Variants in PTPRT observed in about 807,000 individuals in gnomAD.
PTPRT encodes the protein receptor-type tyrosine-protein phosphatase T.
Under a neutral mutation model 176.8 loss-of-function variants are expected in PTPRT, and 56 were observed. The ratio of observed to expected loss-of-function variants is 0.32; its 90% confidence interval spans 0.26 to 0.40. The LOEUF (loss-of-function observed/expected upper bound fraction) is 0.40. Ranked by LOEUF, PTPRT falls within the 10% of genes least tolerant of loss-of-function variation. The pLI, the probability that PTPRT is intolerant of heterozygous loss-of-function variation, is 1.00. For missense variants in PTPRT, 1,540 were observed against 1,908.2 expected (o/e 0.81, Z 3.60); for synonymous variants, 783 against 739.0 (o/e 1.06, Z -0.96).
intron 13 of PTPRT, chr20:42,270,303 A>T (rs2056910342): frequency 8.2e-7 from 1 of 1,215,822 alleles, no homozygotes; most frequent in Non-Finnish European, 1.2e-6. Context: ...TGGGGTGGAA[A>T]GACTGCTGAT....
chr20:42,366,551 C>T (rs1208475174), intron 9 of PTPRT, among the ~76,000 whole-genome samples: 1 of 152,188 alleles, frequency 6.6e-6, no homozygotes, highest in African/African-American at 2.4e-5. Context: ...TCTTCTGTCC[C>T]GTTCTTCTTC....
intron 22 of PTPRT, among the ~76,000 whole-genome samples, chr20:42,111,580 A>G (rs1986998827): frequency 7.0e-6 from 1 of 142,790 alleles, no homozygotes; most frequent in Non-Finnish European, 1.6e-5. Context: ...TAATAGTGAA[A>G]ATAATAACTA....
At chr20:42,248,848 A>G (rs1458785152) in intron 13 of PTPRT, 26 bp from the exon 14 acceptor site, 19 of 1,610,862 alleles carry the variant, frequency 1.2e-5, no homozygotes, top group Non-Finnish European at 1.5e-5. Context: ...GAAGGATAGC[A>G]ATGTTGAAAG....
chr20:42,824,406 G>A (rs2077956157), intron 2 of PTPRT, among the ~76,000 whole-genome samples: 1 of 151,808 alleles, frequency 6.6e-6, no homozygotes, highest in Admixed American at 6.6e-5. Context: ...AAAGAGTGTT[G>A]TACTGACATA....
At chr20:42,509,031 A>C (rs1249562846) in intron 7 of PTPRT, among the ~76,000 whole-genome samples, 1 of 57,536 alleles carries the variant, frequency 1.7e-5, no homozygotes, top group African/African-American at 8.5e-5. Context: ...TAATTTATAG[A>C]TATAAATTAT....
intron 7 of PTPRT, among the ~76,000 whole-genome samples, chr20:42,570,433 C>T (rs2073134322): frequency 6.6e-6 from 1 of 152,176 alleles, no homozygotes; most frequent in Non-Finnish European, 1.5e-5. Context: ...TAATCTTCAG[C>T]TGCAAGTTTC....
intron 1 of PTPRT, among the ~76,000 whole-genome samples, chr20:43,026,244 A>G (rs1174046185): frequency 1.3e-5 from 2 of 152,018 alleles, no homozygotes; most frequent in East Asian, 3.9e-4. Context: ...CAGCCTCCCA[A>G]GTAGCTGGGA....
chr20:42,399,750 G>A (rs903334807), intron 9 of PTPRT, among the ~76,000 whole-genome samples: 2 of 152,136 alleles, frequency 1.3e-5, no homozygotes, highest in African/African-American at 4.8e-5. Flanking sequence ...CTGTGACCTG[G>A]AGACATGAGA....
chr20:42,945,925 A>G (rs527922149), intron 1 of PTPRT, among the ~76,000 whole-genome samples: 18 of 152,220 alleles, frequency 1.2e-4, no homozygotes, highest in African/African-American at 3.9e-4. Flanking sequence ...TTCTGTCTCT[A>G]TGGATCTGCC....
chr20:42,664,408 T>C (rs2075277945), intron 7 of PTPRT, among the ~76,000 whole-genome samples: 2 of 152,196 alleles, frequency 1.3e-5, no homozygotes, highest in Non-Finnish European at 2.9e-5. Flanking sequence ...GTGTAAACCA[T>C]GACCTCAATG....
chr20:42,146,469 C>T (rs1256378485), intron 17 of PTPRT, among the ~76,000 whole-genome samples: 3 of 152,142 alleles, frequency 2.0e-5, no homozygotes, highest in Non-Finnish European at 4.4e-5. Context: ...TATGACTGCA[C>T]ATTAGAATCA....
At chr20:43,124,909 A>G (rs1256922090) in intron 1 of PTPRT, among the ~76,000 whole-genome samples, 2 of 152,210 alleles carry the variant, frequency 1.3e-5, no homozygotes, top group Admixed American at 1.3e-4. Context: ...GGAAAGAAAC[A>G]GATTTTTGAG....
chr20:42,796,390 T>A (rs1000555589), intron 2 of PTPRT, among the ~76,000 whole-genome samples: 7 of 152,252 alleles, frequency 4.6e-5, no homozygotes, highest in African/African-American at 1.7e-4. Context: ...AGTTGTGGAT[T>A]ACTTACCAAA....
At chr20:42,877,655 T>C (rs2078955810) in intron 2 of PTPRT, among the ~76,000 whole-genome samples, 1 of 152,180 alleles carries the variant, frequency 6.6e-6, no homozygotes, top group Non-Finnish European at 1.5e-5. Context: ...AGCCCCAGCA[T>C]TGCGGTTACA....
intron 1 of PTPRT, among the ~76,000 whole-genome samples, chr20:42,958,394 GGAATGGTGGGA>G (rs1981788831): frequency 7.4e-6 from 1 of 135,886 alleles, no homozygotes; most frequent in African/African-American, 2.8e-5. Context: ...GGGAGGAAAG[GGAATGGTGGGA>G]AAGGGAAGAA....
chr20:42,726,708 C>T (rs1025039859), intron 6 of PTPRT, among the ~76,000 whole-genome samples: 1 of 152,218 alleles, frequency 6.6e-6, no homozygotes, highest in Non-Finnish European at 1.5e-5. Flanking sequence ...GAACTCACCA[C>T]ACAGTAGGGC....
chr20:42,617,282 A>T lies in PTPRT; in HGVS notation c.1153+60584T>A, dbSNP rs1035017928. Among the ~76,000 whole-genome samples the T allele has an allele frequency of 1.7e-3, 238 of 136,710 alleles. 54 individuals are homozygous for T. The highest frequency in any genetic ancestry group is 7.6e-3 in the African/African-American group (234 of 30,756). 89.7% of individuals were successfully genotyped at this position (136,710 alleles called of 152,430 possible). The stretch of plus-strand genomic sequence containing the variant: ...ATTGAACCAGCCTTGCATCCCAGGG[A>T]TGAAGCCTACTTGATCATGGTGGAT... On this transcript the variant is annotated intron_variant, in intron 7 of 30. Coordinates refer to ENST00000373187, the MANE Select transcript of PTPRT (RefSeq NM_007050.6).
intron 6 of PTPRT, among the ~76,000 whole-genome samples, chr20:42,738,236 G>A (rs1218758096): frequency 1.3e-5 from 2 of 152,104 alleles, no homozygotes; most frequent in African/African-American, 4.8e-5. Flanking sequence ...TTCTTGGCTG[G>A]GCATGGTAGC....
At chr20:42,641,923 G>C (rs886678847) in intron 7 of PTPRT, among the ~76,000 whole-genome samples, 43 of 152,146 alleles carry the variant, frequency 2.8e-4, no homozygotes, top group African/African-American at 1.0e-3. Flanking sequence ...GCGTCTTAGA[G>C]TGCCCTCTTC....
Sources: allele counts gnomAD v4.1 joint callset (sites outside exome capture counted in the v4.1 genomes callset), GRCh38; gene constraint gnomAD v4.1.1; transcripts MANE v1.5; gene names NCBI Gene and HGNC (gene_info 2026-07-23, HGNC 2026-07-21).